Variants in INO80 observed in about 807,000 individuals in gnomAD.
The protein encoded by INO80 is INO80 complex ATPase subunit.
INO80 carries 20 observed loss-of-function variants against 203.4 expected under a neutral mutation model. The ratio of observed to expected loss-of-function variants is 0.10; its 90% CI spans 0.07 to 0.14. INO80 has a LOEUF of 0.14. INO80 is among the 10% of genes least tolerant of loss of function. The pLI is 1.00. For missense variants in INO80, 1,419 were observed against 1,914.4 expected (o/e 0.74, Z 4.83); for synonymous variants, 726 against 685.2 (o/e 1.06, Z -0.93).
Position 41,027,648 on chromosome 15 carries a change from C to T in INO80, c.2996G>A (p.Arg999His), listed in dbSNP as rs751912347. 32 of 1,613,866 alleles carry T rather than the reference C, an allele frequency of 2.0e-5. No individual in the cohort carries two copies. The highest frequency in any genetic ancestry group is 1.5e-4 in the South Asian group (14 of 91,052). ...TGGCAGCTCAGTGAGCAGGCAGCGACGCAGCGAGGAGGTAGCTGATCTCCG... is the reference window on the plus strand; with the variant it reads ...TGGCAGCTCAGTGAGCAGGCAGCGATGCAGCGAGGAGGTAGCTGATCTCCG... The part of the protein sequence containing the change: ...HQRRSATSSL[R>H]RCLLTELPSF... Residue 999 changes from arginine (R) to histidine (H), a missense_variant, in exon 25 of 36, where the codon CGT becomes CAT. Around this residue, in one of 9 missense-constraint regions of INO80, gnomAD observed 302 missense variants for 345.4 expected, o/e 0.87. Coordinates refer to ENST00000648947, the MANE Select transcript of INO80 (RefSeq NM_017553.3).
intron 27 of INO80, among the ~76,000 whole-genome samples, chr15:41,014,044 T>C (rs1005558573): frequency 1.3e-5 from 2 of 152,224 alleles, no homozygotes; most frequent in African/African-American, 4.8e-5. Context: ...ACAAAGCTTA[T>C]CATACTCTGA....
At chr15:40,999,613 A>G (rs1418636405) in intron 28 of INO80, among the ~76,000 whole-genome samples, 1 of 152,186 alleles carries the variant, frequency 6.6e-6, no homozygotes, top group Non-Finnish European at 1.5e-5. Flanking sequence ...CACAAAGGTT[A>G]ATATTTCGTA....
At chr15:41,036,555 A>C (rs1354895666) in intron 24 of INO80, among the ~76,000 whole-genome samples, 2 of 152,274 alleles carry the variant, frequency 1.3e-5, no homozygotes, top group East Asian at 3.9e-4. Flanking sequence ...AAATATTAAG[A>C]GTAAAACTGT....
Position 40,979,797 on chromosome 15 carries a change from A to C in INO80, c.*426T>G, listed in dbSNP as rs866813263. The stretch of plus-strand genomic sequence containing the variant: ...AATCTCCCTTACTAGCCCTATGAGA[A>C]ATCACACTCTTAAGAGAAATCTCTA... On this transcript the variant is annotated 3_prime_UTR_variant, in exon 36 of 36. Coordinates refer to ENST00000648947, the MANE Select transcript of INO80 (RefSeq NM_017553.3). 3.4e-5 allele frequency: 7 copies of C among 205,248 alleles called. No homozygotes were observed. In the South Asian group the frequency reaches 6.1e-4, roughly 18 times the overall value. The allele number at this position is 205,248 out of a possible 1,614,324, so 12.7% of individuals were successfully genotyped here. A position where few individuals can be genotyped will look rare whatever the true frequency, so the allele number is the denominator to read the frequency against.
In INO80 at chr15:41,000,677, A is replaced by G. The variant is rs1271908886; in HGVS notation, c.3498-3076T>C. ...TCTACTGTGTTCTACTGCACTCCAG[A>G]GCCTGGGTGACAGAGTGGCACCCTG... On this transcript the variant is annotated intron_variant, in intron 28 of 35. Coordinates refer to ENST00000648947, the MANE Select transcript of INO80 (RefSeq NM_017553.3). 6.5e-5 allele frequency among the ~76,000 whole-genome samples: 9 copies of G among 139,330 alleles called. No individual in the cohort carries two copies. The East Asian group carries it at 2.1e-3, about 33-fold the overall frequency. The allele number at this position is 139,330 out of a possible 152,430, so 91.4% of individuals were successfully genotyped here.
At chr15:41,115,500 C>G (rs898161218) in intron 1 of INO80, among the ~76,000 whole-genome samples, 2 of 152,232 alleles carry the variant, frequency 1.3e-5, no homozygotes, top group African/African-American at 2.4e-5. Flanking sequence ...CGTATCTCAA[C>G]TTGCCCCTTA....
At chr15:41,009,487 G>GT (rs1260989811) in intron 27 of INO80, among the ~76,000 whole-genome samples, 31 of 148,438 alleles carry the variant, frequency 2.1e-4, no homozygotes, top group Non-Finnish European at 3.4e-4. Flanking sequence ...GCAGTGTTTG[G>GT]TTTTTTGTTC....
In INO80 at chr15:41,031,998, GACAGC is replaced by G. The variant is rs1414668191; in HGVS notation, c.2908-4267_2908-4263del. 1.6e-3 allele frequency among the ~76,000 whole-genome samples: 86 copies of G among 53,832 alleles called. 1 individual carries two copies. The highest frequency in any genetic ancestry group is 4.2e-3 in the African/African-American group (82 of 19,522). 35.3% of individuals were successfully genotyped at this position (53,832 alleles called of 152,430 possible). A position where few individuals can be genotyped will look rare whatever the true frequency, so the allele number is the denominator to read the frequency against. On this transcript the variant is annotated intron_variant, in intron 24 of 35. Transcript: ENST00000648947. ...CACAGCACAGCACAGCACAGCACAGGACAGCACAGCACAGCACAGCACAGCACAGC... is the reference window on the plus strand; with the variant it reads ...CACAGCACAGCACAGCACAGCACAGGACAGCACAGCACAGCACAGCACAGC...
intron 1 of INO80, among the ~76,000 whole-genome samples, chr15:41,112,089 T>C (rs1427171043): frequency 6.6e-6 from 1 of 152,050 alleles, no homozygotes; most frequent in Admixed American, 6.6e-5. Context: ...TCTGTAGAGA[T>C]GAGGTCTCCC....
chr15:40,984,084 TC>T, intron 33 of INO80, 112 bp downstream of exon 33: 1 of 1,373,702 alleles, frequency 7.3e-7, no homozygotes, highest in Non-Finnish European at 1.0e-6. Flanking sequence ...GCAACCTACT[TC>T]AACAAGGCTG....
intron 23 of INO80, among the ~76,000 whole-genome samples, chr15:41,045,530 C>G (rs764030806): frequency 1.4e-5 from 2 of 145,022 alleles, no homozygotes; most frequent in Non-Finnish European, 3.0e-5. Flanking sequence ...TGCAGTGAGC[C>G]GAGATTGCCC....
At chr15:40,984,632 GAAA>G (rs5812178) in intron 32 of INO80, among the ~76,000 whole-genome samples, 2 of 132,910 alleles carry the variant, frequency 1.5e-5, no homozygotes, top group Non-Finnish European at 1.6e-5. Context: ...CAGCTCAAAA[GAAA>G]AAAAAAAAAA....
chr15:41,091,371 C>T lies in INO80; in HGVS notation c.537+656G>A, dbSNP rs186987913. ...CACCGCACCCAGTCAGGAATTTTCT[C>T]TTTTTTTTAAGTACCAGGGTACATG... is the stretch of plus-strand genomic sequence containing the variant. On this transcript the variant is annotated intron_variant, in intron 5 of 35. Coordinates refer to ENST00000648947, the MANE Select transcript of INO80 (RefSeq NM_017553.3). Among the ~76,000 whole-genome samples, 407 of 151,896 alleles carry T rather than the reference C, an allele frequency of 2.7e-3. 2 individuals carry two copies. Among genetic ancestry groups the T allele is most frequent in the South Asian group, 0.013 (62 of 4,800 alleles).
rs765203908 is a variant in INO80 at position 41,050,089 on chromosome 15, A to G, written c.2288T>C (p.Met763Thr). Reference sequence around the variant, plus strand: ...CTGTCGGCTGGTCAGTTGGCAATACATTAGAATCTCAATCTAAAAATCAAT... The same window carrying G: ...CTGTCGGCTGGTCAGTTGGCAATACGTTAGAATCTCAATCTAAAAATCAAT... ...NELSDKIEIL[M>T]YCQLTSRQKL... The change falls in exon 20 of 36, where the codon ATG becomes ACG. Residue 763 changes from methionine (M) to threonine (T), a missense_variant. Around this residue, in one of 9 missense-constraint regions of INO80, gnomAD observed 192 missense variants for 406.7 expected, o/e 0.47. Coordinates refer to ENST00000648947, the MANE Select transcript of INO80 (RefSeq NM_017553.3). 4 of 1,604,014 alleles carry G rather than the reference A, an allele frequency of 2.5e-6. No individual in the cohort carries two copies. Among genetic ancestry groups the G allele is most frequent in the East Asian group, 4.5e-5 (2 of 44,782 alleles).
intron 7 of INO80, among the ~76,000 whole-genome samples, chr15:41,084,788 A>C (rs2045535435): frequency 6.6e-6 from 1 of 152,220 alleles, no homozygotes; most frequent in Non-Finnish European, 1.5e-5. Context: ...TACACAAGCT[A>C]GAGTGCAGTG....
chr15:41,065,983 T>C (rs2045205368), intron 14 of INO80, among the ~76,000 whole-genome samples: 1 of 151,224 alleles, frequency 6.6e-6, no homozygotes, highest in African/African-American at 2.4e-5. Flanking sequence ...TGCTACTACA[T>C]TGTACTTTTT....
At chr15:41,033,484 T>C (rs563118977) in intron 24 of INO80, among the ~76,000 whole-genome samples, 5 of 152,112 alleles carry the variant, frequency 3.3e-5, no homozygotes, top group Admixed American at 1.3e-4. Flanking sequence ...AGTGAGACCC[T>C]GTCTCAAAAC....
chr15:41,083,712 C>CAAAAAAA (rs10706037), intron 7 of INO80, among the ~76,000 whole-genome samples: 224 of 85,612 alleles, frequency 2.6e-3, no homozygotes, highest in South Asian at 0.011. Context: ...GACTCCGTCT[C>CAAAAAAA]AAAAAAAAAA....
intron 24 of INO80, among the ~76,000 whole-genome samples, chr15:41,030,097 T>C (rs1332657058): frequency 6.6e-6 from 1 of 152,252 alleles, no homozygotes; most frequent in African/African-American, 2.4e-5. Context: ...CATTAATTCA[T>C]CTTCATTTTG....
Sources: gnomAD v4.1 joint callset for allele counts (sites outside exome capture counted in the v4.1 genomes callset) on GRCh38, gnomAD v4.1.1 for gene constraint, gnomAD v4.1.1 regional missense constraint, MANE v1.5 for transcripts, NCBI Gene and HGNC (gene_info 2026-07-23, HGNC 2026-07-21) for gene names.